Variants in CTNNA3 observed in about 807,000 individuals in gnomAD.
CTNNA3 encodes the protein catenin alpha-3.
A neutral mutation model predicts 95.7 loss-of-function variants in CTNNA3; 76 were observed. That is an observed-to-expected ratio of 0.79 (90% confidence interval 0.66 to 0.96). The LOEUF (loss-of-function observed/expected upper bound fraction) is 0.96, where lower values mean the gene tolerates loss of function less well. CTNNA3 is among the 40% of genes least tolerant of loss of function. The probability of loss-of-function intolerance (pLI) is 0.00; values close to 1 mark genes in which losing one functional copy is unlikely to be tolerated. For missense variants in CTNNA3, 1,191 were observed against 1,089.8 expected, an observed-to-expected ratio of 1.09 and a Z score of -1.31; for synonymous variants, 431 against 374.4, an observed-to-expected ratio of 1.15 and a Z score of -1.74.
At chr10:67,250,353 C>A (rs1589086049) in intron 5 of CTNNA3, among the ~76,000 whole-genome samples, 1 of 152,074 alleles carries the variant, frequency 6.6e-6, no homozygotes. Context: ...GTAGCTGGGA[C>A]TACAGGTGCC....
In CTNNA3 at chr10:67,652,303, C is replaced by T. The variant is rs186909304; in HGVS notation, c.-5-4785G>A. Among the ~76,000 whole-genome samples, 218 of 152,334 alleles carry T rather than the reference C, an allele frequency of 1.4e-3. 1 individual carries two copies. In the Middle Eastern group the frequency reaches 0.034, roughly 24 times the overall value. ...TTTGCAGTGGCAGGTGGGGAAGATA[C>T]AAACATTCACTCCAGAGCACTCTGC... On this transcript the variant is annotated intron_variant, in intron 1 of 17. Coordinates refer to ENST00000433211, the MANE Select transcript of CTNNA3 (RefSeq NM_013266.4).
At chr10:66,271,416 A>G (rs2091278650) in intron 13 of CTNNA3, among the ~76,000 whole-genome samples, 1 of 152,224 alleles carries the variant, frequency 6.6e-6, no homozygotes, top group Non-Finnish European at 1.5e-5. Context: ...AGTTTTTAGG[A>G]TAAAAACAAG....
intron 1 of CTNNA3, among the ~76,000 whole-genome samples, chr10:67,701,392 A>T (rs1841038270): frequency 1.3e-5 from 2 of 152,228 alleles, no homozygotes; most frequent in Admixed American, 1.3e-4. Context: ...CAGGTTACTC[A>T]CAAAGGGAAG....
At chr10:66,435,180 T>C (rs1236687714) in intron 11 of CTNNA3, among the ~76,000 whole-genome samples, 2 of 152,202 alleles carry the variant, frequency 1.3e-5, no homozygotes, top group South Asian at 2.1e-4. Flanking sequence ...TATTTTATGA[T>C]AATTTCTTTT....
chr10:66,068,216 G>A (rs574528013), intron 15 of CTNNA3, among the ~76,000 whole-genome samples: 1 of 152,024 alleles, frequency 6.6e-6, no homozygotes, highest in South Asian at 2.1e-4. Flanking sequence ...GGAGAAAGTG[G>A]TTAATAATAT....
At chr10:66,379,381 T>TTAAACACA (rs777145148) in intron 11 of CTNNA3, 29 bp from the exon 12 acceptor site, 26 of 1,562,398 alleles carry the variant, frequency 1.7e-5, no homozygotes, top group African/African-American at 2.7e-5. Context: ...AATTAGTTTT[T>TTAAACACA]GCGTGTGTCT....
intron 11 of CTNNA3, among the ~76,000 whole-genome samples, chr10:66,510,209 T>C (rs113447604): frequency 6.6e-6 from 1 of 151,974 alleles, no homozygotes; most frequent in Non-Finnish European, 1.5e-5. Flanking sequence ...TACTGGTATA[T>C]AAAATACTAA....
chr10:66,566,460 T>A (rs1842708854), intron 10 of CTNNA3, among the ~76,000 whole-genome samples: 1 of 152,242 alleles, frequency 6.6e-6, no homozygotes, highest in Non-Finnish European at 1.5e-5. Flanking sequence ...GCAGCTTAGC[T>A]TACATAATTG....
intron 8 of CTNNA3, among the ~76,000 whole-genome samples, chr10:66,767,433 G>A (rs1839912220): frequency 7.1e-6 from 1 of 140,072 alleles, no homozygotes; most frequent in African/African-American, 2.7e-5. Flanking sequence ...GCAACAGAGT[G>A]AGACTCCATC....
intron 13 of CTNNA3, among the ~76,000 whole-genome samples, chr10:66,216,544 G>A (rs2088551285): frequency 6.6e-6 from 1 of 152,042 alleles, no homozygotes; most frequent in Non-Finnish European, 1.5e-5. Context: ...GTTTTGTTTT[G>A]TTTTTACTAC....
At chr10:67,255,312 A>AT (rs1465793452) in intron 5 of CTNNA3, among the ~76,000 whole-genome samples, 7 of 151,918 alleles carry the variant, frequency 4.6e-5, no homozygotes, top group South Asian at 2.1e-4. Flanking sequence ...AAATAAATAA[A>AT]TAAATAAATT....
chr10:67,233,189 C>G (rs1286910740), intron 5 of CTNNA3, among the ~76,000 whole-genome samples: 7 of 152,198 alleles, frequency 4.6e-5, no homozygotes, highest in African/African-American at 1.4e-4. Flanking sequence ...ACTCTCCACC[C>G]CAAATCGACA....
At chr10:66,394,440 A>C (rs1349215265) in intron 11 of CTNNA3, among the ~76,000 whole-genome samples, 1 of 150,622 alleles carries the variant, frequency 6.6e-6, no homozygotes, top group African/African-American at 2.4e-5. Flanking sequence ...CTCAGACCAT[A>C]CTCTTTTCCA....
chr10:67,012,702 TC>T (rs2133043939), intron 7 of CTNNA3, among the ~76,000 whole-genome samples: 1 of 152,234 alleles, frequency 6.6e-6, no homozygotes, highest in South Asian at 2.1e-4. Context: ...ACAAATGTAA[TC>T]ACGTCTTTGA....
chr10:66,385,387 C>T (rs577551825), intron 11 of CTNNA3, among the ~76,000 whole-genome samples: 10 of 152,102 alleles, frequency 6.6e-5, no homozygotes, highest in African/African-American at 2.2e-4. Flanking sequence ...CAAGACTAAA[C>T]CAGGAAGAAG....
chr10:65,997,782 C>T (rs1283693041), intron 15 of CTNNA3, among the ~76,000 whole-genome samples: 2 of 152,016 alleles, frequency 1.3e-5, no homozygotes, highest in South Asian at 2.1e-4. Context: ...TTTGGGAGGC[C>T]GAGATGGGTG....
chr10:66,188,073 A>C (rs1313866306), intron 13 of CTNNA3, among the ~76,000 whole-genome samples: 1 of 152,318 alleles, frequency 6.6e-6, no homozygotes, highest in Admixed American at 6.5e-5. Flanking sequence ...TTTGGAGTTG[A>C]GAAATACTAT....
intron 9 of CTNNA3, among the ~76,000 whole-genome samples, chr10:66,630,512 A>C (rs1280105629): frequency 6.6e-6 from 1 of 152,186 alleles, no homozygotes; most frequent in African/African-American, 2.4e-5. Context: ...TTAATCAAGT[A>C]AAGTAACTCT....
In CTNNA3 at chr10:67,401,502, C is replaced by T. The variant is rs572342432; in HGVS notation, c.579+120340G>A. Among the ~76,000 whole-genome samples the T allele has an allele frequency of 3.9e-5, 6 of 152,202 alleles. No homozygotes were observed. The East Asian group carries it at 1.2e-3, about 29-fold the overall frequency. ...AATGTGGGGTGCCTGAATGCTAAGGCTGATTTCCAAACTGGAAAGGTACCT... is the reference window on the plus strand; with the variant it reads ...AATGTGGGGTGCCTGAATGCTAAGGTTGATTTCCAAACTGGAAAGGTACCT... On this transcript the variant is annotated intron_variant, in intron 5 of 17. Transcript: ENST00000433211.
Sources: gnomAD v4.1 joint callset for allele counts (sites outside exome capture counted in the v4.1 genomes callset) on GRCh38, gnomAD v4.1.1 for gene constraint, MANE v1.5 for transcripts, NCBI Gene and HGNC (gene_info 2026-07-23, HGNC 2026-07-21) for gene names.